Variants in PRDX6 observed in about 807,000 individuals in gnomAD.
PRDX6 encodes the protein peroxiredoxin-6.
In PRDX6, 13 loss-of-function variants were observed where a neutral mutation model predicts 20.0. That is an observed-to-expected ratio of 0.65 (90% CI 0.42 to 1.03). The LOEUF (loss-of-function observed/expected upper bound fraction) is 1.03, where lower values mean the gene tolerates loss of function less well. Ranked by LOEUF, PRDX6 falls within the 50% of genes least tolerant of loss-of-function variation. PRDX6 has a pLI of 0.00. For synonymous variants in PRDX6, 85 were observed against 100.8 expected, an observed-to-expected ratio of 0.84 and a Z score of 0.94; for missense variants, 203 against 276.9, an observed-to-expected ratio of 0.73 and a Z score of 1.89.
chr1:173,487,883 G>A lies in PRDX6; in HGVS notation c.*20G>A. On this transcript the variant is annotated 3_prime_UTR_variant, in exon 5 of 5. Transcript: ENST00000340385. ...CCTTAAGTCTCTTGGAGAAGCTGGT[G>A]CTGTGAGCCAGAGGATGTCAGCTGC... 1 of 1,611,410 alleles carries A rather than the reference G, an allele frequency of 6.2e-7. No individual in the cohort carries two copies. Among genetic ancestry groups the A allele is most frequent in the Non-Finnish European group, 8.5e-7 (1 of 1,179,524 alleles).
intron 2 of PRDX6, among the ~76,000 whole-genome samples, chr1:173,484,973 T>C (rs1658872999): frequency 6.6e-6 from 1 of 152,220 alleles, no homozygotes; most frequent in Non-Finnish European, 1.5e-5. Flanking sequence ...ATGTGATGGA[T>C]TTAACAAACC....
chr1:173,481,795 T>C, intron 2 of PRDX6: 1 of 284,996 alleles, frequency 3.5e-6, no homozygotes, highest in Non-Finnish European at 6.7e-6. Flanking sequence ...ATCTCCCAAC[T>C]CCTAATTTAT....
At chr1:173,486,523 A>G (rs1658902437) in intron 4 of PRDX6, 122 bp downstream of exon 4, 2 of 1,075,006 alleles carry the variant, frequency 1.9e-6, no homozygotes, top group Non-Finnish European at 2.6e-6. Flanking sequence ...ATTTTTCCTC[A>G]TGGCTGAGTT....
At position 173,486,395 on chromosome 1, in the gene PRDX6, T is replaced by C. The variant is rs781358161; in HGVS notation, c.540T>C (p.Asp180=). ...AAAAAAGGGTTGCCACCCCAGTTGATTGGAAGGTAAAGATGTTTTTAAAAA... is the reference window on the plus strand; with the variant it reads ...AAAAAAGGGTTGCCACCCCAGTTGACTGGAAGGTAAAGATGTTTTTAAAAA... The part of the protein sequence containing the change: ...TAEKRVATPV[D]WKDGDSVMVL... Residue 180 remains aspartate, a synonymous_variant, in exon 4 of 5, where the codon GAT becomes GAC. Coordinates refer to ENST00000340385, the MANE Select transcript of PRDX6 (RefSeq NM_004905.3). 18 of 1,605,340 alleles carry C rather than the reference T, an allele frequency of 1.1e-5. No homozygotes were observed. Among genetic ancestry groups the C allele is most frequent in the Non-Finnish European group, 1.5e-5 (18 of 1,176,402 alleles).
rs1206194516 is a variant in PRDX6 at position 173,484,060 on chromosome 1, G to A, written c.253-1301G>A. 5.4e-5 allele frequency among the ~76,000 whole-genome samples: 8 copies of A among 147,692 alleles called. No homozygotes were observed. In the South Asian group the frequency reaches 6.4e-4, roughly 12 times the overall value. On this transcript the variant is annotated intron_variant, in intron 2 of 4. Coordinates refer to ENST00000340385, the MANE Select transcript of PRDX6 (RefSeq NM_004905.3). ...GGAGGTTGCAGTGAGCCAAGGTTGC[G>A]GTGAGCCAAGTTCGCACCAGTGCAC...
At position 173,487,212 on chromosome 1, in the gene PRDX6, C is replaced by T. The variant is rs1331602723; in HGVS notation, c.547-523C>T. Among the ~76,000 whole-genome samples the T allele has an allele frequency of 3.3e-5, 5 of 152,130 alleles. No individual in the cohort carries two copies. In the South Asian group the frequency reaches 6.2e-4, roughly 19 times the overall value. ...TAACAGCACAGGGGTGGGAGAGTGA[C>T]TGTCAAGGAATGCCTGTCTATGAAG... On this transcript the variant is annotated intron_variant, in intron 4 of 4. Coordinates refer to ENST00000340385, the MANE Select transcript of PRDX6 (RefSeq NM_004905.3).
intron 3 of PRDX6, 144 bp downstream of exon 3, chr1:173,485,651 G>A (rs893826705): frequency 3.9e-6 from 3 of 776,894 alleles, no homozygotes; most frequent in African/African-American, 1.8e-5. Context: ...CTGATTATCT[G>A]TAATGCTGAT....
chr1:173,487,065 A>G (rs34666110), intron 4 of PRDX6, among the ~76,000 whole-genome samples: 3,925 of 152,304 alleles, frequency 0.026, 71 homozygotes, highest in Non-Finnish European at 0.041. Context: ...ATAGCAGTGA[A>G]TAATAGAAAG....
intron 1 of PRDX6, among the ~76,000 whole-genome samples, chr1:173,479,800 A>G (rs1426504795): frequency 1.3e-5 from 2 of 152,222 alleles, no homozygotes; most frequent in Non-Finnish European, 2.9e-5. Flanking sequence ...GCCATGAGGT[A>G]AACTGGAGTT....
chr1:173,483,762 A>C (rs1371283499), intron 2 of PRDX6, among the ~76,000 whole-genome samples: 1 of 151,778 alleles, frequency 6.6e-6, no homozygotes. Context: ...TAAGTTCCTC[A>C]CTCTCCTATC....
At chr1:173,483,903 C>A (rs1000785546) in intron 2 of PRDX6, among the ~76,000 whole-genome samples, 36 of 151,730 alleles carry the variant, frequency 2.4e-4, no homozygotes, top group Non-Finnish European at 3.7e-4. Flanking sequence ...GAGTTCAAGG[C>A]CAGCCTGGCC....
intron 1 of PRDX6, 43 bp from the exon 2 acceptor site, chr1:173,481,283 A>G (rs1360069169): frequency 1.3e-5 from 21 of 1,560,748 alleles, no homozygotes; most frequent in Non-Finnish European, 1.8e-5. Flanking sequence ...GATGTTGGTG[A>G]TAACTCTTAA....
intron 2 of PRDX6, among the ~76,000 whole-genome samples, chr1:173,484,395 G>A (rs1658862584): frequency 6.6e-6 from 1 of 151,720 alleles, no homozygotes; most frequent in African/African-American, 2.4e-5. Flanking sequence ...AAATGGGAGT[G>A]TTCGTATACT....
At chr1:173,479,354 A>T (rs1301715834) in intron 1 of PRDX6, among the ~76,000 whole-genome samples, 1 of 152,212 alleles carries the variant, frequency 6.6e-6, no homozygotes, top group Non-Finnish European at 1.5e-5. Context: ...TTATATGTTT[A>T]TAACACATGG....
Position 173,485,507 on chromosome 1 carries a change from G to A in PRDX6, c.399G>A (p.Val133=). The stretch of plus-strand genomic sequence containing the variant: ...AGGGCATGCCTGTGACAGCTCGTGT[G>A]GTAGGTCATACAAATTCATTTTGTA... The part of the protein sequence containing the change: ...DEKGMPVTAR[V]VFVFGPDKKL... Residue 133 remains valine (V), a splice_region_variant and synonymous_variant, in exon 3 of 5, where the codon GTG becomes GTA. Coordinates refer to ENST00000340385, the MANE Select transcript of PRDX6 (RefSeq NM_004905.3). The A allele has an allele frequency of 2.5e-6, 4 of 1,587,596 alleles. No individual in the cohort carries two copies. Among genetic ancestry groups the A allele is most frequent in the Non-Finnish European group, 2.6e-6 (3 of 1,165,180 alleles).
chr1:173,478,096 A>G (rs1356057558), intron 1 of PRDX6, among the ~76,000 whole-genome samples: 4 of 152,212 alleles, frequency 2.6e-5, no homozygotes, highest in Non-Finnish European at 5.9e-5. Context: ...GCTTCTGGGC[A>G]CAAAATGTGA....
rs1256785616 is a variant in PRDX6, at chr1:173,487,719, C to T, written c.547-16C>T. The T allele has an allele frequency of 6.2e-7, 1 of 1,613,360 alleles. No homozygotes were observed. The highest frequency in any genetic ancestry group is 1.3e-5 in the African/African-American group (1 of 74,964). On this transcript the variant is annotated splice_polypyrimidine_tract_variant and intron_variant, in intron 4 of 4. Transcript: ENST00000340385. The stretch of plus-strand genomic sequence containing the variant: ...CTATGAGATTGAATTTCACCATTCT[C>T]AATGTCTTTCAATAGGATGGGGATA...
intron 2 of PRDX6, among the ~76,000 whole-genome samples, chr1:173,484,001 G>A (rs1054587051): frequency 5.3e-5 from 8 of 151,106 alleles, no homozygotes; most frequent in African/African-American, 1.7e-4. Context: ...CTATTCAGGA[G>A]GCTGAGGCAG....
chr1:173,478,368 G>A (rs768057102), intron 1 of PRDX6, among the ~76,000 whole-genome samples: 1 of 152,190 alleles, frequency 6.6e-6, no homozygotes, highest in Non-Finnish European at 1.5e-5. Flanking sequence ...AGACTCTCTT[G>A]TTTTCCAGTG....
Sources: gnomAD v4.1 joint callset for allele counts (sites outside exome capture counted in the v4.1 genomes callset) on GRCh38, gnomAD v4.1.1 for gene constraint, MANE v1.5 for transcripts, NCBI Gene and HGNC (gene_info 2026-07-23, HGNC 2026-07-21) for gene names.